Variants in LRBA observed in about 807,000 individuals in gnomAD.
The protein encoded by LRBA is lipopolysaccharide-responsive and beige-like anchor protein.
LRBA carries 176 observed loss-of-function variants against 330.0 expected under a neutral mutation model. That is an observed-to-expected ratio of 0.53 (90% CI 0.47 to 0.60). The LOEUF is 0.60. LRBA is among the 20% of genes least tolerant of loss of function. LRBA has a pLI of 0.00. For missense variants in LRBA, 3,259 were observed against 3,444.8 expected (o/e 0.95, Z 1.35); for synonymous variants, 1,230 against 1,193.0 (o/e 1.03, Z -0.64).
At chr4:150,864,474 A>T (rs1752417646) in intron 22 of LRBA, among the ~76,000 whole-genome samples, 1 of 152,150 alleles carries the variant, frequency 6.6e-6, no homozygotes, top group South Asian at 2.1e-4. Context: ...CAATCTCTTT[A>T]AAGTTTGGCT....
At chr4:150,461,320 A>G (rs1188679227) in intron 44 of LRBA, among the ~76,000 whole-genome samples, 2 of 151,856 alleles carry the variant, frequency 1.3e-5, no homozygotes, top group East Asian at 1.9e-4. Context: ...GCTCACGTTA[A>G]GAAATATGTT....
intron 38 of LRBA, among the ~76,000 whole-genome samples, chr4:150,595,912 C>A (rs1280780969): frequency 6.6e-6 from 1 of 151,868 alleles, no homozygotes; most frequent in African/African-American, 2.4e-5. Flanking sequence ...TCATTGCTAC[C>A]AATTTCTAAT....
At position 150,601,005 on chromosome 4, in the gene LRBA, C is replaced by A. The variant is rs540082000; in HGVS notation, c.5922-1874G>T. On this transcript the variant is annotated intron_variant, in intron 37 of 56. Transcript: ENST00000651943. ...TTCAGGGGAATGATACAATGAGGGT[C>A]TATTCATCAGTGCGGCAATCGGCAC... Among the ~76,000 whole-genome samples, 9 of 152,294 alleles carry A rather than the reference C, an allele frequency of 5.9e-5. No homozygotes were observed. In the South Asian group the frequency reaches 6.2e-4, roughly 11 times the overall value.
At chr4:150,714,826 G>C (rs774217589) in intron 36 of LRBA, among the ~76,000 whole-genome samples, 21 of 152,010 alleles carry the variant, frequency 1.4e-4, no homozygotes, top group Non-Finnish European at 5.9e-5. Flanking sequence ...CTAATATAGT[G>C]AGTTCAGTTT....
At chr4:150,408,939 T>A (rs1219191839) in intron 47 of LRBA, among the ~76,000 whole-genome samples, 3 of 152,060 alleles carry the variant, frequency 2.0e-5, no homozygotes, top group Non-Finnish European at 1.5e-5. Flanking sequence ...AATTAAAATT[T>A]TTTTCCCCAT....
chr4:150,893,348 CA>C (rs1449538646), intron 16 of LRBA, among the ~76,000 whole-genome samples, 199 bp from the exon 17 acceptor site: 1 of 151,884 alleles, frequency 6.6e-6, no homozygotes, highest in African/African-American at 2.4e-5. Context: ...AATAGCAAAC[CA>C]ATTTCTTTTT....
At chr4:150,692,518 C>A (rs1421127719) in intron 36 of LRBA, among the ~76,000 whole-genome samples, 3 of 152,070 alleles carry the variant, frequency 2.0e-5, no homozygotes, top group Non-Finnish European at 4.4e-5. Context: ...CCATGCCCAG[C>A]AAGAAGTTTT....
chr4:150,660,490 GC>G (rs1351762968), intron 37 of LRBA, among the ~76,000 whole-genome samples: 11 of 144,634 alleles, frequency 7.6e-5, no homozygotes, highest in African/African-American at 2.5e-4. Flanking sequence ...GGGGGGGTCA[GC>G]CCCCCCCGCC....
intron 17 of LRBA, among the ~76,000 whole-genome samples, chr4:150,892,280 C>G (rs1036968501): frequency 1.1e-4 from 16 of 152,062 alleles, no homozygotes; most frequent in Non-Finnish European, 1.9e-4. Context: ...TGTAATGGAC[C>G]AAATGTTTGC....
intron 17 of LRBA, among the ~76,000 whole-genome samples, chr4:150,878,837 G>C (rs1728046518): frequency 6.6e-6 from 1 of 151,080 alleles, no homozygotes; most frequent in Non-Finnish European, 1.5e-5. Flanking sequence ...GCTTAAATTT[G>C]GCAGTGAATT....
At chr4:150,929,653 G>C (rs994381973) in intron 2 of LRBA, among the ~76,000 whole-genome samples, 1 of 152,082 alleles carries the variant, frequency 6.6e-6, no homozygotes, top group African/African-American at 2.4e-5. Context: ...CTATCAGAAC[G>C]CTATAGCTAT....
At chr4:150,484,081 G>T (rs1266090121) in intron 42 of LRBA, among the ~76,000 whole-genome samples, 1 of 151,906 alleles carries the variant, frequency 6.6e-6, no homozygotes, top group Non-Finnish European at 1.5e-5. Context: ...ATTCAAGAAG[G>T]TATGCTAAAA....
At chr4:150,869,075 C>A (rs1753097366) in intron 20 of LRBA, among the ~76,000 whole-genome samples, 1 of 152,024 alleles carries the variant, frequency 6.6e-6, no homozygotes, top group Middle Eastern at 3.2e-3. Flanking sequence ...CACCTGCCAC[C>A]ACGCCTAGCT....
At chr4:150,826,738 A>T (rs1289363991) in intron 30 of LRBA, among the ~76,000 whole-genome samples, 1 of 152,116 alleles carries the variant, frequency 6.6e-6, no homozygotes, top group African/African-American at 2.4e-5. Context: ...TCTCTAATTC[A>T]GCCTCTAGAA....
chr4:150,327,869 G>T (rs1410145093), intron 48 of LRBA, among the ~76,000 whole-genome samples: 2 of 152,146 alleles, frequency 1.3e-5, no homozygotes, highest in African/African-American at 4.8e-5. Context: ...TATGTAGGAA[G>T]AGAATGAGAA....
chr4:150,638,096 A>AT (rs5862932), intron 37 of LRBA, among the ~76,000 whole-genome samples: 26,351 of 146,644 alleles, frequency 0.18, 2,583 homozygotes, highest in Non-Finnish European at 0.23. Flanking sequence ...TTCTTTAATT[A>AT]TTTTTTTTTT....
In LRBA at chr4:150,875,298, C is replaced by T. The variant is rs1157621296; in HGVS notation, c.2166-2543G>A. Among the ~76,000 whole-genome samples, 6 of 152,334 alleles carry T rather than the reference C, an allele frequency of 3.9e-5. 1 individual carries two copies. The East Asian group carries it at 1.2e-3, about 29-fold the overall frequency. On this transcript the variant is annotated intron_variant, in intron 17 of 56. Transcript: ENST00000651943. ...CCTCTCCATTTCACAGCCAGTAGAT[C>T]TCCAGGAATCTGGAAAACCCATTTT...
intron 2 of LRBA, among the ~76,000 whole-genome samples, chr4:150,975,184 A>C (rs1740008852): frequency 6.6e-6 from 1 of 152,240 alleles, no homozygotes; most frequent in South Asian, 2.1e-4. Context: ...TTACCATGGA[A>C]AGAGTTTAAA....
At chr4:150,570,629 T>C (rs776072425) in intron 40 of LRBA, among the ~76,000 whole-genome samples, 12 of 152,100 alleles carry the variant, frequency 7.9e-5, no homozygotes, top group Non-Finnish European at 1.5e-4. Context: ...TTTGTAACTA[T>C]AAAGCATTTG....
Sources: gnomAD v4.1 joint callset for allele counts (sites outside exome capture counted in the v4.1 genomes callset) on GRCh38, gnomAD v4.1.1 for gene constraint, MANE v1.5 for transcripts, NCBI Gene and HGNC (gene_info 2026-07-23, HGNC 2026-07-21) for gene names.